GPC5: variants seen among roughly 807,000 people sequenced by gnomAD.
GPC5 encodes glypican 5.
A neutral mutation model predicts 53.9 loss-of-function variants in GPC5; 47 were observed. The ratio of observed to expected loss-of-function variants is 0.87; its 90% CI spans 0.69 to 1.11. The LOEUF (loss-of-function observed/expected upper bound fraction) is 1.11. Ranked by LOEUF, GPC5 falls within the 50% of genes most tolerant of loss-of-function variation. GPC5 has a pLI of 0.00. For missense variants in GPC5, 748 were observed against 713.1 expected (o/e 1.05, Z -0.56); for synonymous variants, 286 against 263.3 (o/e 1.09, Z -0.84).
chr13:92,588,108 A>G (rs1883595801), intron 7 of GPC5, among the ~76,000 whole-genome samples: 1 of 151,804 alleles, frequency 6.6e-6, no homozygotes, highest in African/African-American at 2.4e-5. Flanking sequence ...CTGGTGTGTG[A>G]TGTTCCCCTC....
chr13:92,195,987 G>A (rs919950317), intron 7 of GPC5, among the ~76,000 whole-genome samples: 4 of 152,168 alleles, frequency 2.6e-5, no homozygotes, highest in Non-Finnish European at 4.4e-5. Flanking sequence ...CCTTTGGCAT[G>A]GAACTGCCAA....
chr13:92,079,415 T>C (rs905941487), intron 6 of GPC5, among the ~76,000 whole-genome samples: 1 of 152,204 alleles, frequency 6.6e-6, no homozygotes, highest in Non-Finnish European at 1.5e-5. Flanking sequence ...TTCTAAAATC[T>C]TTACTTCCAT....
At chr13:91,544,396 T>C (rs1384528586) in intron 2 of GPC5, among the ~76,000 whole-genome samples, 1 of 152,196 alleles carries the variant, frequency 6.6e-6, no homozygotes, top group African/African-American at 2.4e-5. Context: ...TGGTTAGAGA[T>C]TGTGGGCAGT....
chr13:91,599,139 G>A (rs1321192122), intron 2 of GPC5, among the ~76,000 whole-genome samples: 1 of 151,950 alleles, frequency 6.6e-6, no homozygotes, highest in Non-Finnish European at 1.5e-5. Context: ...CGCTTGACTA[G>A]ACATCTTTTT....
At chr13:91,554,887 ACTTAT>A (rs1190519041) in intron 2 of GPC5, among the ~76,000 whole-genome samples, 1 of 152,044 alleles carries the variant, frequency 6.6e-6, no homozygotes, top group Non-Finnish European at 1.5e-5. Flanking sequence ...AATCCTCTTC[ACTTAT>A]CTTCTCTCTT....
At chr13:92,542,652 G>A (rs567694010) in intron 7 of GPC5, among the ~76,000 whole-genome samples, 23 of 151,972 alleles carry the variant, frequency 1.5e-4, no homozygotes, top group African/African-American at 5.1e-4. Context: ...ACTCACTTGC[G>A]CGTTTCTTGT....
At chr13:92,788,999 T>C (rs1315930432) in intron 7 of GPC5, among the ~76,000 whole-genome samples, 1 of 152,136 alleles carries the variant, frequency 6.6e-6, no homozygotes, top group Non-Finnish European at 1.5e-5. Context: ...AGTCTCAGTG[T>C]ATGGCACACC....
chr13:92,565,021 T>C (rs1882820215), intron 7 of GPC5, among the ~76,000 whole-genome samples: 1 of 152,076 alleles, frequency 6.6e-6, no homozygotes, highest in Non-Finnish European at 1.5e-5. Context: ...TCTTCTTGTA[T>C]TCACTTTTAG....
At chr13:91,531,981 T>TG (rs1886367104) in intron 2 of GPC5, among the ~76,000 whole-genome samples, 1 of 152,284 alleles carries the variant, frequency 6.6e-6, no homozygotes, top group Admixed American at 6.5e-5. Context: ...AACGTTTTTC[T>TG]GGGGATCCAG....
intron 7 of GPC5, among the ~76,000 whole-genome samples, chr13:92,830,832 G>A (rs1157161868): frequency 1.3e-5 from 2 of 152,038 alleles, no homozygotes; most frequent in Admixed American, 1.3e-4. Context: ...TTAAAATGTG[G>A]TTAATCTGTT....
chr13:92,648,014 A>T lies in GPC5; in HGVS notation c.1562-218268A>T, dbSNP rs531553205. 3.2e-4 allele frequency among the ~76,000 whole-genome samples: 49 copies of T among 151,694 alleles called. No homozygotes were observed. In the South Asian group the frequency reaches 4.2e-3, roughly 13 times the overall value. ...TTATTAGAGTACATATTGATTGCAT[A>T]TAACATGATAGCCTCTCTTAGGATA... On this transcript the variant is annotated intron_variant, in intron 7 of 7. Transcript: ENST00000377067.
intron 3 of GPC5, among the ~76,000 whole-genome samples, chr13:91,708,377 C>T (rs888061710): frequency 6.6e-6 from 1 of 151,280 alleles, no homozygotes; most frequent in East Asian, 1.9e-4. Context: ...AGTCTAATGG[C>T]CTCCTAATTA....
chr13:92,117,214 C>T (rs1388340282), intron 6 of GPC5, among the ~76,000 whole-genome samples: 2 of 152,162 alleles, frequency 1.3e-5, no homozygotes, highest in African/African-American at 4.8e-5. Flanking sequence ...TCTTGGTATA[C>T]AGATGTCCAA....
At chr13:92,182,904 C>T (rs1467809472) in intron 7 of GPC5, among the ~76,000 whole-genome samples, 1 of 151,172 alleles carries the variant, frequency 6.6e-6, no homozygotes, top group African/African-American at 2.4e-5. Context: ...AACATTTTAA[C>T]ACCTACCCTT....
At chr13:92,566,780 CCAAT>C (rs759645289) in intron 7 of GPC5, among the ~76,000 whole-genome samples, 11 of 151,910 alleles carry the variant, frequency 7.2e-5, no homozygotes, top group Non-Finnish European at 1.3e-4. Context: ...CTTCCAATTC[CCAAT>C]CAGAGAGGCC....
intron 7 of GPC5, among the ~76,000 whole-genome samples, chr13:92,284,065 G>A (rs899708962): frequency 6.6e-6 from 1 of 150,744 alleles, no homozygotes; most frequent in African/African-American, 2.4e-5. Flanking sequence ...TATCACCACT[G>A]ATCCCACAGA....
intron 7 of GPC5, among the ~76,000 whole-genome samples, chr13:92,610,672 C>A (rs1196768817): frequency 6.6e-6 from 1 of 152,080 alleles, no homozygotes; most frequent in African/African-American, 2.4e-5. Flanking sequence ...ATTTAATTGA[C>A]TCATAGTTCA....
chr13:92,637,370 C>T (rs1885443355), intron 7 of GPC5, among the ~76,000 whole-genome samples: 1 of 151,966 alleles, frequency 6.6e-6, no homozygotes, highest in Non-Finnish European at 1.5e-5. Flanking sequence ...TTGAATCTTC[C>T]AATTAATACT....
chr13:92,076,060 G>T (rs2041249113), intron 6 of GPC5, among the ~76,000 whole-genome samples: 1 of 141,306 alleles, frequency 7.1e-6, no homozygotes, highest in South Asian at 2.4e-4. Flanking sequence ...CTTAGAGAGG[G>T]AAAGTTTCGA....
Sources: gnomAD v4.1 joint callset for allele counts (sites outside exome capture counted in the v4.1 genomes callset) on GRCh38, gnomAD v4.1.1 for gene constraint, MANE v1.5 for transcripts, NCBI Gene and HGNC (gene_info 2026-07-23, HGNC 2026-07-21) for gene names.